SNX10: variants seen among roughly 807,000 people sequenced by gnomAD.
SNX10 encodes the protein sorting nexin-10.
A neutral mutation model predicts 28.5 loss-of-function variants in SNX10; 25 were observed. That is an observed-to-expected ratio of 0.88 (90% CI 0.64 to 1.22). The LOEUF (loss-of-function observed/expected upper bound fraction) is 1.22, where lower values mean the gene tolerates loss of function less well. Ranked by LOEUF, SNX10 falls within the 50% of genes most tolerant of loss-of-function variation. The probability of loss-of-function intolerance (pLI) is 0.00; values close to 1 mark genes in which losing one functional copy is unlikely to be tolerated. For synonymous variants in SNX10, 62 were observed against 81.4 expected (o/e 0.76, Z 1.28); for missense variants, 223 against 242.6 (o/e 0.92, Z 0.54).
At chr7:26,366,552 G>C (rs1299003510) in intron 5 of SNX10, among the ~76,000 whole-genome samples, 2 of 152,196 alleles carry the variant, frequency 1.3e-5, no homozygotes, top group South Asian at 2.1e-4. Context: ...CTTTCCCCTA[G>C]AGGAGGCCTC....
chr7:26,316,765 C>CA (rs1245906796), intron 1 of SNX10, among the ~76,000 whole-genome samples: 6 of 152,192 alleles, frequency 3.9e-5, no homozygotes, highest in Admixed American at 1.3e-4. Context: ...GGAGGATGAA[C>CA]ACTGGGCAGC....
At chr7:26,304,228 A>G (rs572991008) in intron 1 of SNX10, among the ~76,000 whole-genome samples, 3 of 152,236 alleles carry the variant, frequency 2.0e-5, no homozygotes, top group South Asian at 2.1e-4. Context: ...ATGAAGGCCT[A>G]TGCCTTCCAT....
intron 1 of SNX10, among the ~76,000 whole-genome samples, chr7:26,318,592 C>T (rs1056861218): frequency 4.6e-5 from 7 of 152,084 alleles, no homozygotes; most frequent in African/African-American, 1.2e-4. Context: ...CTTAGCCTCC[C>T]GGGTAGCTGG....
intron 2 of SNX10, among the ~76,000 whole-genome samples, chr7:26,358,402 TG>T (rs1363348573): frequency 3.3e-5 from 5 of 152,104 alleles, no homozygotes; most frequent in African/African-American, 1.2e-4. Context: ...TAAGAAATGA[TG>T]GTTGTCTCTT....
intron 1 of SNX10, among the ~76,000 whole-genome samples, chr7:26,294,303 A>G (rs930726949): frequency 6.6e-6 from 1 of 152,234 alleles, no homozygotes; most frequent in Non-Finnish European, 1.5e-5. Context: ...AGAACTTGTG[A>G]TTCCAGACCC....
intron 2 of SNX10, chr7:26,354,229 G>T (rs574387724): frequency 6.6e-6 from 1 of 152,312 alleles, no homozygotes; most frequent in South Asian, 2.1e-4. Flanking sequence ...TTTCCCTAGT[G>T]GTTAACGATG....
chr7:26,312,560 C>T (rs1035593520), intron 1 of SNX10, among the ~76,000 whole-genome samples: 4 of 152,052 alleles, frequency 2.6e-5, no homozygotes, highest in African/African-American at 9.7e-5. Flanking sequence ...CCGAGGCTGT[C>T]GGATCACAAG....
At chr7:26,321,960 C>A (rs906239794) in intron 1 of SNX10, among the ~76,000 whole-genome samples, 1 of 152,128 alleles carries the variant, frequency 6.6e-6, no homozygotes, top group Admixed American at 6.6e-5. Flanking sequence ...CCACAGCTTA[C>A]CTTTGTCAGC....
In SNX10 at chr7:26,364,372, T is replaced by C; in HGVS notation, c.112-163T>C. 1.5e-6 allele frequency: 2 copies of C among 1,372,922 alleles called. No homozygotes were observed. Among genetic ancestry groups the C allele is most frequent in the South Asian group, 3.6e-5 (2 of 54,818 alleles). The allele number at this position is 1,372,922 out of a possible 1,614,324, so 85.0% of individuals were successfully genotyped here. On this transcript the variant is annotated intron_variant, in intron 3 of 6. Transcript: ENST00000338523. This position sits in a 1 kb window ranked among gnomAD's most constrained non-coding sequence, Gnocchi z 4.9. ...GCTGTCTTCAGGGCTGTTATGTTCC[T>C]GGGTTATGTGCAAGATTTCAGAGTA...
At chr7:26,365,361 A>G (rs1367550653) in intron 5 of SNX10, among the ~76,000 whole-genome samples, 1 of 152,250 alleles carries the variant, frequency 6.6e-6, no homozygotes, top group Non-Finnish European at 1.5e-5. Context: ...AAAGAAAACA[A>G]TGAACAAATT....
At chr7:26,353,460 T>TGGG (rs371699790) in intron 2 of SNX10, among the ~76,000 whole-genome samples, 18,437 of 80,478 alleles carry the variant, frequency 0.23, 3,172 homozygotes, top group Non-Finnish European at 0.33. Flanking sequence ...TTTTTTTTTT[T>TGGG]GGTGGGGAGA....
chr7:26,372,407 G>T (rs972205674), intron 6 of SNX10, 84 bp from the exon 7 acceptor site: 2 of 859,766 alleles, frequency 2.3e-6, no homozygotes, highest in Non-Finnish European at 2.0e-6. Flanking sequence ...GATAATTAAA[G>T]TTCTCCTCTG....
At chr7:26,358,805 GTTTT>G (rs35527687) in intron 2 of SNX10, among the ~76,000 whole-genome samples, 20 of 100,108 alleles carry the variant, frequency 2.0e-4, no homozygotes, top group East Asian at 3.1e-4. Context: ...GTTATCTTGT[GTTTT>G]TTTTTTTTTT....
At chr7:26,310,142 A>G (rs1282255251) in intron 1 of SNX10, among the ~76,000 whole-genome samples, 1 of 152,196 alleles carries the variant, frequency 6.6e-6, no homozygotes, top group Non-Finnish European at 1.5e-5. Flanking sequence ...TCCTCACAAG[A>G]CGAATGATTA....
intron 1 of SNX10, among the ~76,000 whole-genome samples, chr7:26,302,998 T>C (rs1332891996): frequency 2.6e-5 from 4 of 151,832 alleles, no homozygotes; most frequent in African/African-American, 9.7e-5. Flanking sequence ...GTCTCAGAAA[T>C]GAGAGAGAGA....
chr7:26,296,754 T>G (rs1786127163), intron 1 of SNX10, among the ~76,000 whole-genome samples: 1 of 152,174 alleles, frequency 6.6e-6, no homozygotes, highest in Non-Finnish European at 1.5e-5. Context: ...GGCTCACGCC[T>G]GTAATCTTAG....
chr7:26,370,853 T>G (rs1789498757), intron 5 of SNX10: 1 of 152,200 alleles, frequency 6.6e-6, no homozygotes, highest in South Asian at 2.1e-4. Context: ...CTGGTCTTAG[T>G]GTCTCCTCTT....
At chr7:26,313,923 C>T (rs1786951536) in intron 1 of SNX10, among the ~76,000 whole-genome samples, 1 of 152,086 alleles carries the variant, frequency 6.6e-6, no homozygotes. Flanking sequence ...TCTCCTGTCT[C>T]AGCCTCCCGA....
chr7:26,357,046 T>G, intron 2 of SNX10: 3 of 1,218,972 alleles, frequency 2.5e-6, no homozygotes, highest in Non-Finnish European at 3.2e-6. Flanking sequence ...TGGAAGGCAT[T>G]GGATGTATGA....
Sources: allele counts gnomAD v4.1 joint callset (sites outside exome capture counted in the v4.1 genomes callset), GRCh38; gene constraint gnomAD v4.1.1; non-coding constraint Gnocchi (gnomAD v3.1); transcripts MANE v1.5; gene names NCBI Gene and HGNC (gene_info 2026-07-23, HGNC 2026-07-21).